The following ZNF594 variants were observed in gnomAD, a reference collection of about 807,000 sequenced individuals.
The protein encoded by ZNF594 is zinc finger protein 594, also known as zinc finger protein HZF18.
For synonymous variants in ZNF594, 336 were observed against 309.4 expected (o/e 1.09, Z -0.90); for missense variants, 1,037 against 964.6 (o/e 1.08, Z -0.99).
intron 1 of ZNF594, among the ~76,000 whole-genome samples, chr17:5,184,776 G>A (rs894328123): frequency 2.0e-5 from 3 of 152,222 alleles, no homozygotes; most frequent in South Asian, 4.1e-4. Context: ...CCATGGCCAC[G>A]CATTGTCCCT....
chr17:5,181,576 G>A lies in ZNF594; in HGVS notation c.*257C>T. 1.2e-6 allele frequency: 2 copies of A among 1,613,730 alleles called. No homozygotes were observed. Among genetic ancestry groups the A allele is most frequent in the Non-Finnish European group, 1.7e-6 (2 of 1,179,662 alleles). On this transcript the variant is annotated 3_prime_UTR_variant, in exon 2 of 2. Transcript: ENST00000575779. Reference sequence around the variant, plus strand: ...CATTCATAGGGTTTCTCACCACTATGAATTCTCCGACGTTGAATAAGGAGT... The same window carrying A: ...CATTCATAGGGTTTCTCACCACTATAAATTCTCCGACGTTGAATAAGGAGT...
chr17:5,191,241 T>C (rs774377647), intron 1 of ZNF594, among the ~76,000 whole-genome samples: 4 of 152,172 alleles, frequency 2.6e-5, no homozygotes, highest in African/African-American at 4.8e-5. Flanking sequence ...CTAAAAGCAA[T>C]GTAGACCCTT....
Position 5,183,518 on chromosome 17 carries a change from C to T in ZNF594, c.739G>A (p.Ala247Thr), listed in dbSNP as rs966055421. 1.2e-6 allele frequency: 2 copies of T among 1,614,152 alleles called. No individual in the cohort carries two copies. Among genetic ancestry groups the T allele is most frequent in the Non-Finnish European group, 8.5e-7 (1 of 1,180,034 alleles). Reference protein sequence around the residue: ...KPYLCNKCGKAFSQSTDLIIH... With the variant: ...KPYLCNKCGKTFSQSTDLIIH... ...ATAAGATCTGTGCTTTGACTGAAAG[C>T]CTTCCCACATTTATTGCATAAATAT... The change falls in exon 2 of 2, where the codon GCT becomes ACT. Residue 247 changes from alanine to threonine, a missense_variant. By Grantham distance (58) the Ala-to-Thr change is moderately conservative (BLOSUM62 0). Transcript: ENST00000575779.
chr17:5,187,179 T>C (rs181218814), intron 1 of ZNF594, among the ~76,000 whole-genome samples: 91 of 152,338 alleles, frequency 6.0e-4, no homozygotes, highest in Admixed American at 2.7e-3. Context: ...CAGTTCCACA[T>C]GGTTTGAGAG....
rs1460955141 is a variant in ZNF594, at chr17:5,181,700, G to A, written c.*133C>T. On this transcript the variant is annotated 3_prime_UTR_variant, in exon 2 of 2. Transcript: ENST00000575779. ...TGACAAGGTGGGACCTCTGGCTAAA[G>A]ACTTTCCCACATTCACTACATTCAT... 3.2e-6 allele frequency: 5 copies of A among 1,579,446 alleles called. No homozygotes were observed. The highest frequency in any genetic ancestry group is 4.4e-6 in the Non-Finnish European group (5 of 1,148,940).
chr17:5,176,561 T>TA (rs1250295434), downstream of ZNF594, among the ~76,000 whole-genome samples: 2 of 151,258 alleles, frequency 1.3e-5, no homozygotes, highest in African/African-American at 4.8e-5. Context: ...TTTTTTTTTT[T>TA]AAATAGAGAC....
chr17:5,188,045 C>G (rs2074397203), intron 1 of ZNF594, among the ~76,000 whole-genome samples: 1 of 151,912 alleles, frequency 6.6e-6, no homozygotes, highest in Admixed American at 6.6e-5. Flanking sequence ...ATACCATACC[C>G]TCTCCTGCAA....
chr17:5,174,447 G>C, the ZNF594 span: 4 of 190,848 alleles, frequency 2.1e-5, no homozygotes, highest in African/African-American at 9.3e-5. Context: ...AGTTCTCAGA[G>C]CATTTGGAAA....
chr17:5,175,575 A>G (rs1302391773), downstream of ZNF594, among the ~76,000 whole-genome samples: 8 of 152,070 alleles, frequency 5.3e-5, no homozygotes, highest in Non-Finnish European at 1.0e-4. Context: ...CCCTTTTAGA[A>G]AGTTATGGCA....
Position 5,182,467 on chromosome 17 carries a change from T to A in ZNF594, c.1790A>T (p.Glu597Val). Reference protein sequence around the residue: ...QVTHTREKPYECKECGKTFNQ... With the variant: ...QVTHTREKPYVCKECGKTFNQ... ...GAAAGTTTTCCCACATTCTTTGCAT[T>A]CATATGGTTTCTCTCTTGTATGAGT... Residue 597 changes from glutamate to valine, a missense_variant, in exon 2 of 2, where the codon GAA becomes GTA. By Grantham distance (121) the Glu-to-Val change is moderately radical (BLOSUM62 -2). Coordinates refer to ENST00000575779, the MANE Select transcript of ZNF594 (RefSeq NM_032530.2). 1.2e-6 allele frequency: 2 copies of A among 1,613,902 alleles called. No individual in the cohort carries two copies.
At position 5,180,959 on chromosome 17, in the gene ZNF594, T is replaced by C; in HGVS notation, c.*874A>G. ...TGCTACCTATTAGAATAGGTCCTGTTTGTAGACTCTTACAGTCTTCAAATT... is the reference window on the plus strand; with the variant it reads ...TGCTACCTATTAGAATAGGTCCTGTCTGTAGACTCTTACAGTCTTCAAATT... On this transcript the variant is annotated 3_prime_UTR_variant, in exon 2 of 2. Coordinates refer to ENST00000575779, the MANE Select transcript of ZNF594 (RefSeq NM_032530.2). 1 of 698,572 alleles carries C rather than the reference T, an allele frequency of 1.4e-6. No homozygotes were observed. Among genetic ancestry groups the C allele is most frequent in the Non-Finnish European group, 2.6e-6 (1 of 384,888 alleles). The allele number at this position is 698,572 out of a possible 1,614,324, so 43.3% of individuals were successfully genotyped here. A position where few individuals can be genotyped will look rare whatever the true frequency, so the allele number is the denominator to read the frequency against.
chr17:5,184,760 C>T (rs2074375628), intron 1 of ZNF594, among the ~76,000 whole-genome samples: 1 of 152,220 alleles, frequency 6.6e-6, no homozygotes, highest in South Asian at 2.1e-4. Context: ...AAGTTAGTTT[C>T]TCTTCCCATG....
In ZNF594 at chr17:5,181,934, C is replaced by A. The variant is rs776389178; in HGVS notation, c.2323G>T (p.Asp775Tyr). Reference protein sequence around the residue: ...QCSRTFQGSSDLIRHQVTHTR... With the variant: ...QCSRTFQGSSYLIRHQVTHTR... ...TGAGTTACCTGATGTCTGATGAGAT[C>A]TGAGCTGCCCTGGAAGGTCCTACTA... The change falls in exon 2 of 2, where the codon GAT becomes TAT. Residue 775 changes from aspartate (D) to tyrosine (Y), a missense_variant. Coordinates refer to ENST00000575779, the MANE Select transcript of ZNF594 (RefSeq NM_032530.2). The A allele has an allele frequency of 1.9e-6, 3 of 1,613,856 alleles. No homozygotes were observed. The highest frequency in any genetic ancestry group is 2.5e-6 in the Non-Finnish European group (3 of 1,180,026).
At position 5,181,939 on chromosome 17, in the gene ZNF594, C is replaced by A; in HGVS notation, c.2318G>T (p.Ser773Ile). The A allele has an allele frequency of 1.2e-6, 2 of 1,613,970 alleles. No individual in the cohort carries two copies. The highest frequency in any genetic ancestry group is 1.7e-6 in the Non-Finnish European group (2 of 1,180,028). ...CNQCSRTFQG[S>I]SDLIRHQVTH... is the part of the protein sequence containing the mutation. The stretch of plus-strand genomic sequence containing the variant: ...TACCTGATGTCTGATGAGATCTGAG[C>A]TGCCCTGGAAGGTCCTACTACACTG... The change falls in exon 2 of 2, where the codon AGC becomes ATC. Residue 773 changes from serine (S) to isoleucine (I), a missense_variant. Coordinates refer to ENST00000575779, the MANE Select transcript of ZNF594 (RefSeq NM_032530.2).
In ZNF594 at chr17:5,182,955, A is replaced by G. The variant is rs775790476; in HGVS notation, c.1302T>C (p.Cys434=). 6.2e-7 allele frequency: 1 copy of G among 1,613,912 alleles called. No homozygotes were observed. The highest frequency in any genetic ancestry group is 2.2e-5 in the East Asian group (1 of 44,834). Residue 434 remains cysteine, a synonymous_variant, in exon 2 of 2, where the codon TGT becomes TGC. Coordinates refer to ENST00000575779, the MANE Select transcript of ZNF594 (RefSeq NM_032530.2). ...CCCTAAAAGATTTCCCACATTTGCTACATACACAAGGTTTTTCTCCACTGT... is the reference window on the plus strand; with the variant it reads ...CCCTAAAAGATTTCCCACATTTGCTGCATACACAAGGTTTTTCTCCACTGT... ...RIHSGEKPCV[C]SKCGKSFRGS...
intron 1 of ZNF594, among the ~76,000 whole-genome samples, chr17:5,188,810 C>T (rs1033132703): frequency 1.2e-4 from 18 of 148,354 alleles, no homozygotes; most frequent in African/African-American, 3.5e-4. Flanking sequence ...TGCAATGGCG[C>T]GATCTCGGCT....
chr17:5,190,835 G>C (rs1430300677), intron 1 of ZNF594, among the ~76,000 whole-genome samples: 1 of 151,966 alleles, frequency 6.6e-6, no homozygotes, highest in Non-Finnish European at 1.5e-5. Flanking sequence ...CTGACTCAAA[G>C]CACGTCCAGG....
At chr17:5,185,193 T>C (rs2074378222) in intron 1 of ZNF594, among the ~76,000 whole-genome samples, 1 of 152,222 alleles carries the variant, frequency 6.6e-6, no homozygotes, top group Non-Finnish European at 1.5e-5. Context: ...TTCATGCTGC[T>C]GATAAAGACA....
At chr17:5,179,025 A>G (rs1057214603), downstream of ZNF594, among the ~76,000 whole-genome samples, 4 of 151,786 alleles carry the variant, frequency 2.6e-5, no homozygotes, top group African/African-American at 7.3e-5. Context: ...TCACTAACTT[A>G]TTTCCAGTTC....
Sources: gnomAD v4.1 joint callset for allele counts (sites outside exome capture counted in the v4.1 genomes callset) on GRCh38, gnomAD v4.1.1 for gene constraint, MANE v1.5 for transcripts, NCBI Gene and HGNC (gene_info 2026-07-23, HGNC 2026-07-21) for gene names.